RGS7: variants seen among roughly 807,000 people sequenced by gnomAD.
RGS7 encodes regulator of G-protein signaling 7.
Under a neutral mutation model 81.1 loss-of-function variants are expected in RGS7, and 27 were observed. That is an observed-to-expected ratio of 0.33 (90% confidence interval 0.25 to 0.46). RGS7 has a LOEUF of 0.46. RGS7 is among the 20% of genes least tolerant of loss of function. The pLI is 1.00. For synonymous variants in RGS7, 208 were observed against 207.7 expected, an observed-to-expected ratio of 1.00 and a Z score of -0.01; for missense variants, 396 against 607.4, an observed-to-expected ratio of 0.65 and a Z score of 3.66.
At chr1:240,878,298 C>T (rs1168766959) in intron 6 of RGS7, among the ~76,000 whole-genome samples, 1 of 152,074 alleles carries the variant, frequency 6.6e-6, no homozygotes, top group Non-Finnish European at 1.5e-5. Flanking sequence ...TTCTTCTTCC[C>T]TCCACCGACC....
intron 3 of RGS7, among the ~76,000 whole-genome samples, chr1:241,096,662 T>C (rs2064279635): frequency 6.6e-6 from 1 of 152,188 alleles, no homozygotes; most frequent in Admixed American, 6.5e-5. Context: ...ATTTTTCAAT[T>C]AAAATCTTAA....
intron 9 of RGS7, among the ~76,000 whole-genome samples, chr1:240,828,901 C>T (rs1207062766): frequency 6.6e-6 from 1 of 152,084 alleles, no homozygotes; most frequent in African/African-American, 2.4e-5. Context: ...GAAGTGACTC[C>T]AGAGAAACTG....
intron 2 of RGS7, among the ~76,000 whole-genome samples, chr1:241,200,993 G>T (rs1323334237): frequency 6.6e-6 from 1 of 152,102 alleles, no homozygotes; most frequent in African/African-American, 2.4e-5. Flanking sequence ...TGATACATCA[G>T]TCCCAATCTA....
chr1:241,185,096 A>C (rs1168815017), intron 2 of RGS7, among the ~76,000 whole-genome samples: 1 of 152,188 alleles, frequency 6.6e-6, no homozygotes, highest in African/African-American at 2.4e-5. Context: ...AATATACATG[A>C]ATTTGTGTGT....
At chr1:241,291,513 T>C (rs1173149145) in intron 2 of RGS7, among the ~76,000 whole-genome samples, 1 of 149,566 alleles carries the variant, frequency 6.7e-6, no homozygotes, top group East Asian at 2.0e-4. Flanking sequence ...TGTTGCCTAC[T>C]GAAGGGAAGG....
At chr1:240,799,295 G>GTCTA (rs1451174806) in intron 18 of RGS7, among the ~76,000 whole-genome samples, 1 of 139,916 alleles carries the variant, frequency 7.1e-6, no homozygotes, top group Non-Finnish European at 1.6e-5. Context: ...GTTTGTGTGT[G>GTCTA]TGTGTGTGTG....
At chr1:240,942,466 A>C (rs1178337519) in intron 4 of RGS7, among the ~76,000 whole-genome samples, 1 of 152,218 alleles carries the variant, frequency 6.6e-6, no homozygotes. Context: ...CTGAGTCAAG[A>C]AAGTAATTTA....
intron 3 of RGS7, among the ~76,000 whole-genome samples, chr1:241,067,037 G>T (rs1470624962): frequency 6.6e-6 from 1 of 152,194 alleles, no homozygotes; most frequent in Non-Finnish European, 1.5e-5. Context: ...CTAATTAGCT[G>T]TGTGAAGTTG....
intron 3 of RGS7, among the ~76,000 whole-genome samples, chr1:241,016,559 C>G (rs967058804): frequency 1.2e-4 from 18 of 150,974 alleles, no homozygotes; most frequent in African/African-American, 4.4e-4. Context: ...CAAAAACCAA[C>G]CAAACAAACA....
At chr1:241,353,379 ATCTATG>A (rs1185764692) in intron 2 of RGS7, among the ~76,000 whole-genome samples, 1 of 152,282 alleles carries the variant, frequency 6.6e-6, no homozygotes, top group Non-Finnish European at 1.5e-5. Flanking sequence ...TGATGTCACG[ATCTATG>A]TCTACACACA....
In RGS7 at chr1:241,199,420, CA is replaced by C. The variant is rs965863690; in HGVS notation, c.79-100659del. Among the ~76,000 whole-genome samples the C allele has an allele frequency of 3.6e-4, 50 of 140,686 alleles. No homozygotes were observed. In the South Asian group the frequency reaches 6.3e-3, roughly 18 times the overall value. The allele number at this position is 140,686 out of a possible 152,430, so 92.3% of individuals were successfully genotyped here. On this transcript the variant is annotated intron_variant, in intron 2 of 18. Coordinates refer to ENST00000440928, the MANE Select transcript of RGS7 (RefSeq NM_001364886.1). ...GCCTGGTGACAGAGTGAGACTGTCT[CA>C]AAAAAAAAAGGACTTTATTTATTTA...
chr1:241,255,062 A>G (rs1299807290), intron 2 of RGS7, among the ~76,000 whole-genome samples: 3 of 152,236 alleles, frequency 2.0e-5, no homozygotes. Flanking sequence ...ATAATCTCAG[A>G]AACTAGCTTG....
At chr1:241,111,617 G>GC (rs2065518617) in intron 2 of RGS7, among the ~76,000 whole-genome samples, 1 of 139,618 alleles carries the variant, frequency 7.2e-6, no homozygotes, top group Non-Finnish European at 1.6e-5. Context: ...CTCTCTACAA[G>GC]TAAAAAAAAA....
chr1:241,139,114 T>C (rs1391030617), intron 2 of RGS7, among the ~76,000 whole-genome samples: 1 of 152,170 alleles, frequency 6.6e-6, no homozygotes, highest in Non-Finnish European at 1.5e-5. Context: ...ATCTATGTTG[T>C]AGCATGCGTC....
chr1:241,028,344 A>G (rs1234338063), intron 3 of RGS7, among the ~76,000 whole-genome samples: 1 of 152,222 alleles, frequency 6.6e-6, no homozygotes, highest in Non-Finnish European at 1.5e-5. Context: ...GTCTGCTAGG[A>G]AAGAGTTTGG....
intron 2 of RGS7, among the ~76,000 whole-genome samples, chr1:241,145,240 C>A (rs893446916): frequency 6.6e-6 from 1 of 151,924 alleles, no homozygotes; most frequent in African/African-American, 2.4e-5. Context: ...CTGGTCTCGA[C>A]CTCCTGCCCC....
intron 2 of RGS7, among the ~76,000 whole-genome samples, chr1:241,125,450 ACACACG>A (rs1191286199): frequency 6.6e-6 from 1 of 151,304 alleles, no homozygotes; most frequent in African/African-American, 2.5e-5. Flanking sequence ...ACACACACAC[ACACACG>A]CTGAATTCAT....
intron 2 of RGS7, among the ~76,000 whole-genome samples, chr1:241,146,937 C>G (rs1275686256): frequency 6.6e-6 from 1 of 152,190 alleles, no homozygotes; most frequent in Non-Finnish European, 1.5e-5. Flanking sequence ...CCCCAAGCCC[C>G]AGCCTCCTAA....
At position 241,030,377 on chromosome 1, in the gene RGS7, T is replaced by TATACAC. The variant is rs71793632; in HGVS notation, c.176-47249_176-47248insGTGTAT. Among the ~76,000 whole-genome samples, 464 of 137,434 alleles carry TATACAC rather than the reference T, an allele frequency of 3.4e-3. 16 individuals carry two copies. Among genetic ancestry groups the TATACAC allele is most frequent in the South Asian group, 0.03 (131 of 4,302 alleles). 90.2% of individuals were successfully genotyped at this position (137,434 alleles called of 152,430 possible). On this transcript the variant is annotated intron_variant, in intron 3 of 18. Coordinates refer to ENST00000440928, the MANE Select transcript of RGS7 (RefSeq NM_001364886.1). ...AACTTATAGCATATATATATATACA[T>TATACAC]ACACACATACATACACACACACACT... is the stretch of plus-strand genomic sequence containing the variant.
Sources: allele counts gnomAD v4.1 joint callset (sites outside exome capture counted in the v4.1 genomes callset), GRCh38; gene constraint gnomAD v4.1.1; transcripts MANE v1.5; gene names NCBI Gene and HGNC (gene_info 2026-07-23, HGNC 2026-07-21).